SUSD1: variants seen among roughly 807,000 people sequenced by gnomAD.
SUSD1 encodes sushi domain-containing protein 1.
Under a neutral mutation model 86.9 loss-of-function variants are expected in SUSD1, and 65 were observed. That is an observed-to-expected ratio of 0.75 (90% CI 0.61 to 0.92). SUSD1 has a LOEUF of 0.92. Among genes scored for constraint, SUSD1 ranks in the 40% least tolerant of loss-of-function variants. The probability of loss-of-function intolerance (pLI) is 0.00; values close to 1 mark genes in which losing one functional copy is unlikely to be tolerated. For synonymous variants in SUSD1, 346 were observed against 350.0 expected, an observed-to-expected ratio of 0.99 and a Z score of 0.13; for missense variants, 850 against 929.7, an observed-to-expected ratio of 0.91 and a Z score of 1.11.
rs921765182 is a variant in SUSD1, at chr9:112,058,705, A to C, written c.1851-19T>G. 6.8e-6 allele frequency: 11 copies of C among 1,612,756 alleles called. No homozygotes were observed. Among genetic ancestry groups the C allele is most frequent in the Non-Finnish European group, 8.5e-6 (10 of 1,179,434 alleles). On this transcript the variant is annotated intron_variant, in intron 13 of 16. Coordinates refer to ENST00000374270, the MANE Select transcript of SUSD1 (RefSeq NM_022486.5). ...ATATGAACTGGAAGAAAAAAGGAGA[A>C]GTGTCCATCAGACCCTTGCATGGGG...
At chr9:112,079,137 CCTCT>C (rs372661148) in intron 11 of SUSD1, among the ~76,000 whole-genome samples, 2 of 149,988 alleles carry the variant, frequency 1.3e-5, no homozygotes, top group South Asian at 2.1e-4. Context: ...GAGCTTTCTT[CCTCT>C]CTCTCTCTCT....
rs139074530 is a variant in SUSD1 at position 112,107,449 on chromosome 9, T to C, written c.1171+4205A>G. ...GGGCGACACAGCGAGATTCTGCTCA[T>C]AAATAAGTAAATAAATAAATAAATA... On this transcript the variant is annotated intron_variant, in intron 8 of 16. Coordinates refer to ENST00000374270, the MANE Select transcript of SUSD1 (RefSeq NM_022486.5). 6.9e-3 allele frequency among the ~76,000 whole-genome samples: 1,043 copies of C among 151,890 alleles called. 13 individuals carry two copies. Among genetic ancestry groups the C allele is most frequent in the African/African-American group, 0.024 (988 of 41,440 alleles).
intron 1 of SUSD1, among the ~76,000 whole-genome samples, chr9:112,161,854 A>G (rs1833586021): frequency 6.6e-6 from 1 of 151,894 alleles, no homozygotes; most frequent in Non-Finnish European, 1.5e-5. Context: ...ATCTTATTAA[A>G]TACCCTAAAT....
At chr9:112,069,687 C>A (rs1162169731) in intron 12 of SUSD1, among the ~76,000 whole-genome samples, 3 of 133,208 alleles carry the variant, frequency 2.3e-5, no homozygotes, top group Non-Finnish European at 4.5e-5. Flanking sequence ...CCCCACCCCA[C>A]CCCGCCCCGC....
Position 112,098,615 on chromosome 9 carries a change from T to G in SUSD1, c.1329A>C (p.Ala443=), listed in dbSNP as rs777227436. Residue 443 remains alanine (A), a synonymous_variant, in exon 10 of 17, where the codon GCA becomes GCC. Transcript: ENST00000374270. ...CCCTCGTTGTGAAGTTAAACGATGT[T>G]GCATGAGAAAAGTTAGCCAGATACC... is the stretch of plus-strand genomic sequence containing the variant. ...QRWYLANFSH[A]TSFNFTTREQ... The G allele has an allele frequency of 1.2e-6, 2 of 1,614,176 alleles. No individual in the cohort carries two copies. Among genetic ancestry groups the G allele is most frequent in the Admixed American group, 1.7e-5 (1 of 60,012 alleles).
intron 2 of SUSD1, among the ~76,000 whole-genome samples, chr9:112,152,433 G>A (rs1282828621): frequency 6.6e-6 from 1 of 150,928 alleles, no homozygotes; most frequent in Admixed American, 6.6e-5. Flanking sequence ...ACAGGGTCTT[G>A]CTCTGTCACC....
At chr9:112,056,664 G>A (rs1013936888) in intron 14 of SUSD1, among the ~76,000 whole-genome samples, 1 of 152,246 alleles carries the variant, frequency 6.6e-6, no homozygotes. Flanking sequence ...ACATGAAAGA[G>A]AGTATCAATG....
At chr9:112,073,440 G>A (rs570766194) in intron 12 of SUSD1, among the ~76,000 whole-genome samples, 3 of 152,020 alleles carry the variant, frequency 2.0e-5, no homozygotes, top group Non-Finnish European at 2.9e-5. Context: ...CCACATTTAC[G>A]TATGTATTGG....
At chr9:112,137,060 T>A (rs1296885503) in intron 5 of SUSD1, among the ~76,000 whole-genome samples, 1 of 152,206 alleles carries the variant, frequency 6.6e-6, no homozygotes, top group Non-Finnish European at 1.5e-5. Context: ...CATAAGCTCA[T>A]GACATACAGT....
chr9:112,085,554 A>G (rs1306362382), intron 10 of SUSD1, among the ~76,000 whole-genome samples: 1 of 152,230 alleles, frequency 6.6e-6, no homozygotes, highest in Non-Finnish European at 1.5e-5. Flanking sequence ...CTGACTCCAG[A>G]GGAACTGTGC....
intron 1 of SUSD1, among the ~76,000 whole-genome samples, chr9:112,164,458 G>A (rs1833694291): frequency 6.6e-6 from 1 of 151,556 alleles, no homozygotes; most frequent in East Asian, 2.0e-4. Flanking sequence ...GAGGCAGGAG[G>A]GTTGCTTGAG....
rs559483954 is a variant in SUSD1, at chr9:112,041,210, G to A, written c.*282C>T. ...ATTCACAGATCTGTATGTAGCCTTC[G>A]GTCAATATCACAGTGTACATCAGGA... On this transcript the variant is annotated 3_prime_UTR_variant, in exon 17 of 17. Coordinates refer to ENST00000374270, the MANE Select transcript of SUSD1 (RefSeq NM_022486.5). The A allele has an allele frequency of 2.8e-5, 16 of 572,612 alleles. No individual in the cohort carries two copies. The highest frequency in any genetic ancestry group is 1.7e-4 in the East Asian group (6 of 35,766). 35.5% of individuals were successfully genotyped at this position (572,612 alleles called of 1,614,324 possible). A position where few individuals can be genotyped will look rare whatever the true frequency, so the allele number is the denominator to read the frequency against.
At chr9:112,048,660 G>A (rs1286061890) in intron 15 of SUSD1, among the ~76,000 whole-genome samples, 1 of 152,238 alleles carries the variant, frequency 6.6e-6, no homozygotes, top group Non-Finnish European at 1.5e-5. Flanking sequence ...GACAAAACAA[G>A]TGCACACCCA....
intron 5 of SUSD1, chr9:112,137,730 T>G (rs1034372726): frequency 6.6e-6 from 1 of 152,140 alleles, no homozygotes; most frequent in Non-Finnish European, 1.5e-5. Context: ...CAATGAAAAT[T>G]GTGAGGGTTT....
At chr9:112,134,141 T>C (rs536573200) in intron 5 of SUSD1, among the ~76,000 whole-genome samples, 1 of 152,326 alleles carries the variant, frequency 6.6e-6, no homozygotes. Context: ...TCAGCCACTG[T>C]GGAAAGTAAT....
chr9:112,094,450 T>C lies in SUSD1; in HGVS notation c.1474+4020A>G, dbSNP rs527958214. 6.0e-4 allele frequency among the ~76,000 whole-genome samples: 92 copies of C among 152,334 alleles called. 1 individual carries two copies. The highest frequency in any genetic ancestry group is 6.8e-3 in the Middle Eastern group (2 of 294). ...TCACAGAAACTCAGACCGGGGATTC[T>C]AGATAAGAAACTCTTTGGGGGCTAA... On this transcript the variant is annotated intron_variant, in intron 10 of 16. Transcript: ENST00000374270.
chr9:112,045,340 C>A (rs1827910046), intron 15 of SUSD1, among the ~76,000 whole-genome samples: 1 of 152,110 alleles, frequency 6.6e-6, no homozygotes, highest in Non-Finnish European at 1.5e-5. Flanking sequence ...ATATGTTGAA[C>A]TGAAGATGAC....
intron 12 of SUSD1, among the ~76,000 whole-genome samples, chr9:112,072,374 C>A: frequency 6.6e-6 from 1 of 152,066 alleles, no homozygotes; most frequent in Non-Finnish European, 1.5e-5. Context: ...GTCTCGAACT[C>A]ACCCACCTCA....
chr9:112,111,990 A>T (rs1479248974), intron 7 of SUSD1, 150 bp from the exon 8 acceptor site: 3 of 719,874 alleles, frequency 4.2e-6, no homozygotes. Context: ...TCTGCTGATA[A>T]AGTCTGATCA....
Sources: gnomAD v4.1 joint callset for allele counts (sites outside exome capture counted in the v4.1 genomes callset) on GRCh38, gnomAD v4.1.1 for gene constraint, MANE v1.5 for transcripts, NCBI Gene and HGNC (gene_info 2026-07-23, HGNC 2026-07-21) for gene names.